SND1: variants seen among roughly 807,000 people sequenced by gnomAD.
The protein encoded by SND1 is staphylococcal nuclease domain-containing protein 1.
SND1 carries 38 observed loss-of-function variants against 121.7 expected under a neutral mutation model. The ratio of observed to expected loss-of-function variants is 0.31; its 90% confidence interval spans 0.24 to 0.41. SND1 has a LOEUF of 0.41. SND1 is among the 10% of genes least tolerant of loss of function. SND1 has a pLI of 1.00. For missense variants in SND1, 868 were observed against 1,184.6 expected, an observed-to-expected ratio of 0.73 and a Z score of 3.92; for synonymous variants, 401 against 447.4, an observed-to-expected ratio of 0.90 and a Z score of 1.31.
At chr7:127,680,968 T>G (rs557749008) in intron 1 of SND1, among the ~76,000 whole-genome samples, 2 of 152,304 alleles carry the variant, frequency 1.3e-5, no homozygotes, top group Non-Finnish European at 2.9e-5. Context: ...ATCCACGTTC[T>G]TCTGCCATGG....
intron 1 of SND1, chr7:127,679,222 A>G: frequency 6.6e-6 from 1 of 152,036 alleles, no homozygotes; most frequent in East Asian, 1.9e-4. Flanking sequence ...CTACCTAGTT[A>G]TTTCTAGAGG....
chr7:127,806,598 A>G (rs1450566258), intron 10 of SND1, among the ~76,000 whole-genome samples: 1 of 152,090 alleles, frequency 6.6e-6, no homozygotes, highest in Non-Finnish European at 1.5e-5. Context: ...ACTTCTTTCC[A>G]CTTCCCTGAA....
intron 10 of SND1, among the ~76,000 whole-genome samples, chr7:127,752,926 T>TA (rs1797126385): frequency 6.6e-6 from 1 of 152,246 alleles, no homozygotes; most frequent in South Asian, 2.1e-4. Context: ...CATTGGCCTT[T>TA]ATACTAATTC....
intron 1 of SND1, among the ~76,000 whole-genome samples, chr7:127,670,253 T>G (rs1795492607): frequency 6.6e-6 from 1 of 151,986 alleles, no homozygotes; most frequent in African/African-American, 2.4e-5. Context: ...CCTCCCAAAG[T>G]GCTGGGATTA....
Position 127,855,183 on chromosome 7 carries a change from A to G in SND1, c.1343+10759A>G, listed in dbSNP as rs534815870. On this transcript the variant is annotated intron_variant, in intron 12 of 23. Transcript: ENST00000354725. Reference sequence around the variant, plus strand: ...ACCCATGTTGGAGTGCTGTGGTACAATCATGGCTCACTGCAGCCTCAATCT... The same window carrying G: ...ACCCATGTTGGAGTGCTGTGGTACAGTCATGGCTCACTGCAGCCTCAATCT... Among the ~76,000 whole-genome samples, 5 of 152,162 alleles carry G rather than the reference A, an allele frequency of 3.3e-5. No homozygotes were observed. The East Asian group carries it at 5.8e-4, about 18-fold the overall frequency.
intron 16 of SND1, among the ~76,000 whole-genome samples, chr7:128,003,929 A>G (rs6948752): frequency 0.067 from 10,180 of 152,166 alleles, 430 homozygotes; most frequent in Middle Eastern, 0.2. Flanking sequence ...ATCAGCTTCC[A>G]GGGCTGCAGA....
In SND1 at chr7:127,826,148, G is replaced by A. The variant is rs556109844; in HGVS notation, c.1243-18176G>A. ...GGAGGTTGCAGTGAGCCAAGATTGC[G>A]CCACCACACTCCAGCCTGGGCCACA... is the stretch of plus-strand genomic sequence containing the variant. On this transcript the variant is annotated intron_variant, in intron 11 of 23. Coordinates refer to ENST00000354725, the MANE Select transcript of SND1 (RefSeq NM_014390.4). Among the ~76,000 whole-genome samples, 10 of 152,248 alleles carry A rather than the reference G, an allele frequency of 6.6e-5. 1 individual carries two copies. The highest frequency in any genetic ancestry group is 4.1e-4 in the South Asian group (2 of 4,826).
chr7:127,807,451 C>T, intron 10 of SND1, 33 bp from the exon 11 acceptor site: 1 of 1,538,460 alleles, frequency 6.5e-7, no homozygotes. Flanking sequence ...TGATATTGTT[C>T]ATTCCTGATG....
At chr7:128,081,213 G>C in intron 17 of SND1, 147 bp from the exon 18 acceptor site, 1 of 884,676 alleles carries the variant, frequency 1.1e-6, no homozygotes, top group Non-Finnish European at 1.7e-6. Context: ...GGCCAGTCTG[G>C]TCTTGAACTC....
intron 12 of SND1, among the ~76,000 whole-genome samples, chr7:127,867,328 C>T (rs936884370): frequency 6.6e-6 from 1 of 152,150 alleles, no homozygotes; most frequent in Non-Finnish European, 1.5e-5. Flanking sequence ...CCTTCTACAA[C>T]TCTGATAACT....
intron 15 of SND1, among the ~76,000 whole-genome samples, chr7:127,947,035 A>G (rs907316337): frequency 2.0e-5 from 3 of 152,118 alleles, no homozygotes; most frequent in Admixed American, 6.5e-5. Context: ...TTGTTTCATG[A>G]TATTGTTCCA....
chr7:127,915,025 A>G (rs1426588538), intron 14 of SND1, among the ~76,000 whole-genome samples: 1 of 151,100 alleles, frequency 6.6e-6, no homozygotes, highest in Non-Finnish European at 1.5e-5. Context: ...GGTGTTCATT[A>G]TTTTTTTTTG....
chr7:127,991,867 C>T (rs1016353430), intron 16 of SND1, among the ~76,000 whole-genome samples: 2 of 152,054 alleles, frequency 1.3e-5, no homozygotes, highest in Non-Finnish European at 2.9e-5. Context: ...ATAAAAATAC[C>T]TGTTTGTAAG....
chr7:127,878,752 G>T (rs1398284124), intron 12 of SND1, among the ~76,000 whole-genome samples: 2 of 152,062 alleles, frequency 1.3e-5, no homozygotes, highest in Non-Finnish European at 2.9e-5. Context: ...ATCAATTTCA[G>T]TCATTTTTAG....
chr7:127,858,403 C>G, intron 12 of SND1: 1 of 1,200,310 alleles, frequency 8.3e-7, no homozygotes, highest in Non-Finnish European at 1.2e-6. Context: ...AAAGTCCCTC[C>G]AAGAAGGCTT....
chr7:128,089,201 T>G (rs1212147460), intron 21 of SND1, among the ~76,000 whole-genome samples: 1 of 152,238 alleles, frequency 6.6e-6, no homozygotes, highest in East Asian at 1.9e-4. Context: ...ATTACAGGCA[T>G]GCACCCCATG....
At chr7:128,001,325 T>A (rs548260267) in intron 16 of SND1, among the ~76,000 whole-genome samples, 2 of 152,354 alleles carry the variant, frequency 1.3e-5, no homozygotes, top group African/African-American at 4.8e-5. Context: ...TTAATGAAAC[T>A]CTGTTAGCAT....
chr7:127,897,143 C>G (rs1314609870), intron 13 of SND1, among the ~76,000 whole-genome samples: 3 of 152,134 alleles, frequency 2.0e-5, no homozygotes, highest in Non-Finnish European at 4.4e-5. Context: ...TCTGACTCTG[C>G]CTCCCGCCAG....
At chr7:127,720,875 G>T (rs1400527129) in intron 9 of SND1, among the ~76,000 whole-genome samples, 1 of 152,000 alleles carries the variant, frequency 6.6e-6, no homozygotes, top group Non-Finnish European at 1.5e-5. Context: ...TCTAGTGCTG[G>T]TATCTTCTTC....
Sources: allele counts gnomAD v4.1 joint callset (sites outside exome capture counted in the v4.1 genomes callset), GRCh38; gene constraint gnomAD v4.1.1; transcripts MANE v1.5; gene names NCBI Gene and HGNC (gene_info 2026-07-23, HGNC 2026-07-21).